TRIM71: variants seen among roughly 807,000 people sequenced by gnomAD.
TRIM71 encodes the protein tripartite motif containing 71.
In TRIM71, 9 loss-of-function variants were observed where a neutral mutation model predicts 61.2. That is an observed-to-expected ratio of 0.15 (90% CI 0.09 to 0.26). The LOEUF (loss-of-function observed/expected upper bound fraction) is 0.26, where lower values mean the gene tolerates loss of function less well. TRIM71 is among the 10% of genes least tolerant of loss of function. The pLI, the probability that TRIM71 is intolerant of heterozygous loss-of-function variation, is 1.00. For synonymous variants in TRIM71, 645 were observed against 553.2 expected (o/e 1.17, Z -2.33); for missense variants, 998 against 1,238.7 (o/e 0.81, Z 2.92).
chr3:32,829,626 T>TTGTGTGTG (rs10524029), intron 1 of TRIM71, among the ~76,000 whole-genome samples: 4,294 of 148,744 alleles, frequency 0.029, 87 homozygotes, highest in Middle Eastern at 0.062. Flanking sequence ...TGTCATGGTA[T>TTGTGTGTG]TGTGTGTGTG....
At chr3:32,838,549 A>AT (rs1696362195) in intron 1 of TRIM71, among the ~76,000 whole-genome samples, 1 of 133,056 alleles carries the variant, frequency 7.5e-6, no homozygotes, top group Non-Finnish European at 1.6e-5. Flanking sequence ...TTAATCAAGC[A>AT]TTTTAGGGGC....
At chr3:32,825,181 C>T (rs1696186453) in intron 1 of TRIM71, among the ~76,000 whole-genome samples, 1 of 152,130 alleles carries the variant, frequency 6.6e-6, no homozygotes, top group South Asian at 2.1e-4. Context: ...CAACTTTCTC[C>T]TCACATGTAA....
In TRIM71 at chr3:32,868,761, TA is replaced by T. The variant is rs139686919; in HGVS notation, c.853-5052del. On this transcript the variant is annotated intron_variant, in intron 1 of 3. Coordinates refer to ENST00000383763, the MANE Select transcript of TRIM71 (RefSeq NM_001039111.3). Reference sequence around the variant, plus strand: ...AACAAATACTTGTTACCTAGCCAAATAAAAAGTGTTTTGGAAACACTCCCTC... The same window carrying T: ...AACAAATACTTGTTACCTAGCCAAATAAAAGTGTTTTGGAAACACTCCCTC... 9.2e-3 allele frequency among the ~76,000 whole-genome samples: 1,399 copies of T among 151,474 alleles called. 20 individuals carry two copies. The highest frequency in any genetic ancestry group is 0.032 in the African/African-American group (1,334 of 41,282).
rs1247167704 is a variant in TRIM71, at chr3:32,874,324, T to TTATTATTACTACTAC, written c.1020+341_1020+342insTTATTACTACTACTA. Among the ~76,000 whole-genome samples the TTATTATTACTACTAC allele has an allele frequency of 8.2e-5, 10 of 121,568 alleles. No individual in the cohort carries two copies. In the East Asian group the frequency reaches 1.1e-3, roughly 13 times the overall value. The allele number at this position is 121,568 out of a possible 152,430, so 79.8% of individuals were successfully genotyped here. On this transcript the variant is annotated intron_variant, in intron 2 of 3. Coordinates refer to ENST00000383763, the MANE Select transcript of TRIM71 (RefSeq NM_001039111.3). ...AGAAAGGCTGGGTGCTTAATGCTTA[T>TTATTATTACTACTAC]TACTACTACTACTACTACTACTACT...
intron 1 of TRIM71, among the ~76,000 whole-genome samples, chr3:32,871,174 G>A (rs1232145720): frequency 6.6e-6 from 1 of 152,110 alleles, no homozygotes; most frequent in Admixed American, 6.6e-5. Flanking sequence ...GGCCCCTTTT[G>A]TTTCACAGAT....
At chr3:32,886,481 G>C (rs1243493996) in intron 3 of TRIM71, among the ~76,000 whole-genome samples, 4 of 152,218 alleles carry the variant, frequency 2.6e-5, no homozygotes, top group Non-Finnish European at 5.9e-5. Flanking sequence ...AGGGCAGTGA[G>C]TGTGTGTCCT....
In TRIM71 at chr3:32,893,556, G is replaced by A. The variant is rs949914150; in HGVS notation, c.*1745G>A. Reference sequence around the variant, plus strand: ...GGAAAAGAGGGACTCTCAAACAAACGTCAGTGACTTACAAGGGAGACCTCT... The same window carrying A: ...GGAAAAGAGGGACTCTCAAACAAACATCAGTGACTTACAAGGGAGACCTCT... On this transcript the variant is annotated 3_prime_UTR_variant, in exon 4 of 4. Transcript: ENST00000383763. 2 of 152,190 alleles carry A rather than the reference G, an allele frequency of 1.3e-5. No individual in the cohort carries two copies. The highest frequency in any genetic ancestry group is 4.8e-5 in the African/African-American group (2 of 41,442). The allele number at this position is 152,190 out of a possible 1,614,324, so 9.4% of individuals were successfully genotyped here. A position where few individuals can be genotyped will look rare whatever the true frequency, so the allele number is the denominator to read the frequency against.
At chr3:32,827,300 G>C (rs1411143621) in intron 1 of TRIM71, among the ~76,000 whole-genome samples, 1 of 146,198 alleles carries the variant, frequency 6.8e-6, no homozygotes, top group Admixed American at 6.9e-5. Context: ...GTCTCACTCT[G>C]TTGCCTAGGC....
Position 32,890,344 on chromosome 3 carries a change from T to C in TRIM71, c.1156-16T>C. ...TAAGCCTCTGTGTCTTTCTCCACTC[T>C]TGCTTTTCCCTCCAGGTAGAAAAGA... On this transcript the variant is annotated splice_polypyrimidine_tract_variant and intron_variant, in intron 3 of 3. Transcript: ENST00000383763. The surrounding 1 kb of genome is among the most constrained non-coding windows in gnomAD (Gnocchi z 6.2). 1 of 1,601,844 alleles carries C rather than the reference T, an allele frequency of 6.2e-7. No homozygotes were observed.
At chr3:32,836,416 A>AT (rs1276552031) in intron 1 of TRIM71, among the ~76,000 whole-genome samples, 13 of 152,256 alleles carry the variant, frequency 8.5e-5, no homozygotes, top group African/African-American at 3.1e-4. Flanking sequence ...AAAAAATTCA[A>AT]TTTGTAGGCA....
Position 32,891,883 on chromosome 3 carries a change from T to TC in TRIM71, c.*73dup. On this transcript the variant is annotated 3_prime_UTR_variant, in exon 4 of 4. Transcript: ENST00000383763. This position sits in a 1 kb window ranked among gnomAD's most constrained non-coding sequence, Gnocchi z 8.2. ...CTCTCTCTCTCTCTCTTTCTCTTTC[T>TC]CTCTCTTTTTGAATTTCAAAGAAGA... 1 of 1,528,022 alleles carries TC rather than the reference T, an allele frequency of 6.5e-7. No homozygotes were observed. Among genetic ancestry groups the TC allele is most frequent in the African/African-American group, 1.4e-5 (1 of 71,116 alleles). The allele number at this position is 1,528,022 out of a possible 1,614,324, so 94.7% of individuals were successfully genotyped here.
intron 2 of TRIM71, among the ~76,000 whole-genome samples, chr3:32,885,397 G>A (rs568925815): frequency 1.6e-4 from 25 of 152,162 alleles, no homozygotes; most frequent in Non-Finnish European, 2.2e-4. Flanking sequence ...TAGGTAGATC[G>A]GGGGATATTC....
chr3:32,863,612 C>A (rs1696698430), intron 1 of TRIM71, among the ~76,000 whole-genome samples: 1 of 152,242 alleles, frequency 6.6e-6, no homozygotes, highest in Non-Finnish European at 1.5e-5. Flanking sequence ...AATATATTCT[C>A]TTGATTTTAG....
chr3:32,833,209 A>C (rs1300978650), intron 1 of TRIM71, among the ~76,000 whole-genome samples: 1 of 149,966 alleles, frequency 6.7e-6, no homozygotes, highest in African/African-American at 2.4e-5. Flanking sequence ...AAAAAAAAAA[A>C]AAAGAGGCAG....
At chr3:32,843,123 A>G (rs1432382502) in intron 1 of TRIM71, among the ~76,000 whole-genome samples, 1 of 152,086 alleles carries the variant, frequency 6.6e-6, no homozygotes, top group Non-Finnish European at 1.5e-5. Context: ...GGGTGCTGGG[A>G]CTAGGTTTGA....
In TRIM71 at chr3:32,894,259, T is replaced by C. The variant is rs1384384547; in HGVS notation, c.*2448T>C. 6.6e-6 allele frequency: 1 copy of C among 152,208 alleles called. No homozygotes were observed. Among genetic ancestry groups the C allele is most frequent in the Non-Finnish European group, 1.5e-5 (1 of 68,044 alleles). The allele number at this position is 152,208 out of a possible 1,614,324, so 9.4% of individuals were successfully genotyped here. On this transcript the variant is annotated 3_prime_UTR_variant, in exon 4 of 4. Coordinates refer to ENST00000383763, the MANE Select transcript of TRIM71 (RefSeq NM_001039111.3). ...GAGATGGATCTTGATTAAAATCTTT[T>C]CATCATCATTTTCATTCTGCTCTTT...
chr3:32,877,520 T>A (rs1163786075), intron 2 of TRIM71, among the ~76,000 whole-genome samples: 2 of 152,128 alleles, frequency 1.3e-5, no homozygotes, highest in Admixed American at 6.5e-5. Context: ...CACACCCAGC[T>A]AATTTTTGTA....
At chr3:32,864,931 A>C (rs1210837714) in intron 1 of TRIM71, among the ~76,000 whole-genome samples, 2 of 150,888 alleles carry the variant, frequency 1.3e-5, no homozygotes, top group African/African-American at 4.9e-5. Flanking sequence ...TTAGCTCAAC[A>C]TGGGGGGTGC....
In TRIM71 at chr3:32,891,368, C is replaced by T. The variant is rs1285270170; in HGVS notation, c.2164C>T (p.His722Tyr). The change falls in exon 4 of 4, where the codon CAC becomes TAC. Residue 722 changes from histidine (H) to tyrosine (Y), a missense_variant. His to Tyr is a moderately conservative substitution (Grantham distance 83, BLOSUM62 2). Around this residue, in one of 5 missense-constraint regions of TRIM71, gnomAD observed 83 missense variants for 202.7 expected, o/e 0.41. Coordinates refer to ENST00000383763, the MANE Select transcript of TRIM71 (RefSeq NM_001039111.3). This position sits in a 1 kb window ranked among gnomAD's most constrained non-coding sequence, Gnocchi z 8.2. ...GATCCTGGTCTCAGACACGAGGAAC[C>T]ACCGGATCCAGCTGTTTGGGCCTGA... ...GKILVSDTRN[H>Y]RIQLFGPDGV... 6.2e-7 allele frequency: 1 copy of T among 1,614,000 alleles called. No homozygotes were observed. The highest frequency in any genetic ancestry group is 1.3e-5 in the African/African-American group (1 of 74,918).
Sources: allele counts gnomAD v4.1 joint callset (sites outside exome capture counted in the v4.1 genomes callset), GRCh38; gene constraint gnomAD v4.1.1; regional missense constraint gnomAD v4.1.1; non-coding constraint Gnocchi (gnomAD v3.1); transcripts MANE v1.5; gene names NCBI Gene and HGNC (gene_info 2026-07-23, HGNC 2026-07-21).